The following TEX11 variants were observed in gnomAD, a reference collection of about 807,000 sequenced individuals.
The protein encoded by TEX11 is testis-expressed protein 11.
TEX11 carries 7 observed loss-of-function variants against 84.4 expected under a neutral mutation model. The ratio of observed to expected loss-of-function variants is 0.08; its 90% CI spans 0.05 to 0.16. The LOEUF (loss-of-function observed/expected upper bound fraction) is 0.16. Ranked by LOEUF, TEX11 falls within the 10% of genes least tolerant of loss-of-function variation. The probability of loss-of-function intolerance (pLI) is 1.00; values close to 1 mark genes in which losing one functional copy is unlikely to be tolerated. For missense variants in TEX11, 551 were observed against 660.5 expected (o/e 0.83, Z 1.82); for synonymous variants, 264 against 222.8 (o/e 1.18, Z -1.64).
rs2089960681 is a variant in TEX11, at chrX:70,664,595, A to G, written c.1380+5782T>C. ...CCTTTTATTATTTTCTAATTATTTT[A>G]TATATGTAAATATTGTTTCTGCATT... On this transcript the variant is annotated intron_variant, in intron 16 of 29. Transcript: ENST00000374333. 2.7e-5 allele frequency among the ~76,000 whole-genome samples: 3 copies of G among 111,247 alleles called. No homozygotes were observed. The South Asian group carries it at 1.1e-3, about 41-fold the overall frequency.
downstream of TEX11, among the ~76,000 whole-genome samples, chrX:70,528,465 G>A (rs942257228): frequency 9.4e-6 from 1 of 106,408 alleles, no homozygotes; most frequent in African/African-American, 3.4e-5. Flanking sequence ...CTACAGGCAC[G>A]CGCCACCATG....
intron 9 of TEX11, among the ~76,000 whole-genome samples, chrX:70,788,969 TATATAGAGAGAGAG>T (rs1487365629): frequency 2.2e-3 from 54 of 24,905 alleles, no homozygotes; most frequent in African/African-American, 8.8e-3. Flanking sequence ...TATATATATA[TATATAGAGAGAGAG>T]AGAGAGAGAG....
chrX:70,596,750 T>G (rs1172786918), intron 24 of TEX11, among the ~76,000 whole-genome samples: 2 of 110,179 alleles, frequency 1.8e-5, no homozygotes, highest in Non-Finnish European at 1.9e-5. Flanking sequence ...CAAATTGAAC[T>G]GTAAGCAAGC....
At chrX:70,749,406 CT>C (rs1324235227) in intron 9 of TEX11, among the ~76,000 whole-genome samples, 2 of 110,804 alleles carry the variant, frequency 1.8e-5, no homozygotes, top group Non-Finnish European at 3.8e-5. Flanking sequence ...AATTGAACAC[CT>C]TTTATTTCCT....
intron 4 of TEX11, among the ~76,000 whole-genome samples, chrX:70,862,909 C>G (rs2091578227): frequency 9.9e-6 from 1 of 100,505 alleles, no homozygotes; most frequent in Non-Finnish European, 2.0e-5. Flanking sequence ...GAACACAACT[C>G]CAACTCAAAA....
intron 7 of TEX11, among the ~76,000 whole-genome samples, chrX:70,845,235 C>T (rs1043453035): frequency 9.0e-6 from 1 of 110,836 alleles, no homozygotes; most frequent in African/African-American, 3.3e-5. Flanking sequence ...CATCTCTGCT[C>T]ACTGCAACCT....
chrX:70,800,989 A>AT (rs1192046398), intron 9 of TEX11, among the ~76,000 whole-genome samples: 1 of 111,411 alleles, frequency 9.0e-6, no homozygotes, highest in Non-Finnish European at 1.9e-5. Flanking sequence ...TAAGGAAAAC[A>AT]TTTTTTCTTA....
chrX:70,553,696 T>G (rs1183510818), intron 26 of TEX11, among the ~76,000 whole-genome samples: 2 of 111,274 alleles, frequency 1.8e-5, no homozygotes, highest in Non-Finnish European at 1.9e-5. Flanking sequence ...GTCATACAGG[T>G]GAAGCAATAA....
At chrX:70,602,252 A>G (rs1049026047) in intron 24 of TEX11, among the ~76,000 whole-genome samples, 1 of 111,845 alleles carries the variant, frequency 8.9e-6, no homozygotes, top group Non-Finnish European at 1.9e-5. Context: ...CAACCAAAAA[A>G]GAGAATTTTA....
At chrX:70,661,487 C>A (rs1034971376) in intron 16 of TEX11, among the ~76,000 whole-genome samples, 1 of 112,408 alleles carries the variant, frequency 8.9e-6, no homozygotes, top group Admixed American at 9.4e-5. Context: ...GAAACCTCTG[C>A]AGACTTAACT....
chrX:70,822,749 T>C (rs1340056858), intron 8 of TEX11, among the ~76,000 whole-genome samples: 1 of 111,598 alleles, frequency 9.0e-6, no homozygotes, highest in Non-Finnish European at 1.9e-5. Flanking sequence ...TTCAGGCTGC[T>C]TCCACTCATG....
chrX:70,696,275 T>C (rs1339458309), intron 13 of TEX11, among the ~76,000 whole-genome samples: 1 of 111,606 alleles, frequency 9.0e-6, no homozygotes, highest in Non-Finnish European at 1.9e-5. Flanking sequence ...ATACTACTTA[T>C]GGTTGCTGGA....
At chrX:70,638,418 AAGACTTTACC>A (rs1013735496) in intron 17 of TEX11, among the ~76,000 whole-genome samples, 11 of 111,920 alleles carry the variant, frequency 9.8e-5, no homozygotes, top group Non-Finnish European at 9.4e-5. Flanking sequence ...AGGAGAGATA[AAGACTTTACC>A]AGACAAACAA....
chrX:70,904,863 ACT>A lies in TEX11; in HGVS notation c.37+2888_37+2889del, dbSNP rs1263260803. Among the ~76,000 whole-genome samples the A allele has an allele frequency of 4.4e-5, 5 of 112,854 alleles. No homozygotes were observed. In the East Asian group the frequency reaches 1.4e-3, roughly 31 times the overall value. On this transcript the variant is annotated intron_variant, in intron 2 of 29. Coordinates refer to ENST00000374333, the MANE Select transcript of TEX11 (RefSeq NM_031276.3). Reference sequence around the variant, plus strand: ...TATGTTATAATAACATTTTTGATACACTGAGTTAAAAAAATTAGATCATTAAA... The same window carrying A: ...TATGTTATAATAACATTTTTGATACAGAGTTAAAAAAATTAGATCATTAAA...
chrX:70,734,171 G>T (rs2090677923), intron 11 of TEX11, among the ~76,000 whole-genome samples: 1 of 110,603 alleles, frequency 9.0e-6, no homozygotes, highest in Admixed American at 9.6e-5. Flanking sequence ...GGGGAGTGGG[G>T]AGGGATAGCA....
chrX:70,698,867 G>A lies in TEX11; in HGVS notation c.1005-16042C>T, dbSNP rs932031603. Among the ~76,000 whole-genome samples the A allele has an allele frequency of 3.6e-5, 4 of 111,585 alleles. No individual in the cohort carries two copies. The Admixed American group carries it at 3.8e-4, about 11-fold the overall frequency. On this transcript the variant is annotated intron_variant, in intron 13 of 29. Coordinates refer to ENST00000374333, the MANE Select transcript of TEX11 (RefSeq NM_031276.3). Reference sequence around the variant, plus strand: ...TACTTTGCATATCAAGATGGAGGTGGGGGCTAGTGTCTCTAGCCCACTGTA... The same window carrying A: ...TACTTTGCATATCAAGATGGAGGTGAGGGCTAGTGTCTCTAGCCCACTGTA...
At chrX:70,659,987 A>T (rs1329466064) in intron 16 of TEX11, among the ~76,000 whole-genome samples, 1 of 112,440 alleles carries the variant, frequency 8.9e-6, no homozygotes, top group Non-Finnish European at 1.9e-5. Flanking sequence ...GGTATAGCCC[A>T]TTGCTCCTAG....
chrX:70,664,434 T>C (rs1399177524), intron 16 of TEX11, among the ~76,000 whole-genome samples: 1 of 111,613 alleles, frequency 9.0e-6, no homozygotes, highest in East Asian at 2.8e-4. Flanking sequence ...TCTGACTCTA[T>C]CTTCTAACAA....
intron 15 of TEX11, chrX:70,673,313 T>A (rs1363402912): frequency 9.0e-6 from 1 of 110,998 alleles, no homozygotes; most frequent in East Asian, 2.8e-4. Context: ...TAGATGGTGC[T>A]CCTTTATATT....
Sources: allele counts gnomAD v4.1 joint callset (sites outside exome capture counted in the v4.1 genomes callset), GRCh38; gene constraint gnomAD v4.1.1; transcripts MANE v1.5; gene names NCBI Gene and HGNC (gene_info 2026-07-23, HGNC 2026-07-21).